The following PRKX variants were observed in gnomAD, a reference collection of about 807,000 sequenced individuals.
PRKX encodes protein kinase cAMP-dependent X-linked catalytic subunit.
A neutral mutation model predicts 22.0 loss-of-function variants in PRKX; 12 were observed. That is an observed-to-expected ratio of 0.54 (90% CI 0.35 to 0.88). The LOEUF is 0.88. PRKX is among the 40% of genes least tolerant of loss of function. The pLI, the probability that PRKX is intolerant of heterozygous loss-of-function variation, is 0.01. For missense variants in PRKX, 217 were observed against 308.0 expected (o/e 0.70, Z 2.21); for synonymous variants, 134 against 137.7 (o/e 0.97, Z 0.19).
At chrX:3,674,044 G>A (rs1295814756) in intron 2 of PRKX, among the ~76,000 whole-genome samples, 3 of 111,059 alleles carry the variant, frequency 2.7e-5, no homozygotes, top group Admixed American at 9.6e-5. Flanking sequence ...GTAAATTACC[G>A]AGTCTAGGAT....
chrX:3,701,416 G>C (rs971865576), intron 1 of PRKX, among the ~76,000 whole-genome samples: 1 of 112,645 alleles, frequency 8.9e-6, no homozygotes, highest in East Asian at 2.8e-4. Context: ...TACTTTTTCT[G>C]AAGGTGTCAT....
chrX:3,668,852 G>A (rs186235561), intron 2 of PRKX, among the ~76,000 whole-genome samples: 36 of 112,621 alleles, frequency 3.2e-4, no homozygotes, highest in Admixed American at 1.7e-3. Flanking sequence ...GACTCCACAC[G>A]CACAGGTATT....
In PRKX at chrX:3,713,419, G is replaced by C. The variant is rs1928836334; in HGVS notation, c.-166C>G. 8.1e-6 allele frequency: 3 copies of C among 368,402 alleles called. No individual in the cohort carries two copies. Among genetic ancestry groups the C allele is most frequent in the Non-Finnish European group, 1.3e-5 (3 of 239,661 alleles). 30.4% of individuals were successfully genotyped at this position (368,402 alleles called of 1,213,427 possible). ...GTCCGGCGCGGCTGACGGAGCGACG[G>C]GGACAATGGCTGGGCGGCGCTCACG... On this transcript the variant is annotated 5_prime_UTR_variant, in exon 1 of 9. Coordinates refer to ENST00000262848, the MANE Select transcript of PRKX (RefSeq NM_005044.5).
intron 6 of PRKX, among the ~76,000 whole-genome samples, chrX:3,619,977 A>G (rs1294930665): frequency 8.9e-6 from 1 of 111,916 alleles, no homozygotes; most frequent in Non-Finnish European, 1.9e-5. Context: ...AATTCTGTCA[A>G]ATTCAGGGAT....
At chrX:3,680,939 T>C (rs1220271996) in intron 1 of PRKX, among the ~76,000 whole-genome samples, 2 of 110,979 alleles carry the variant, frequency 1.8e-5, no homozygotes, top group Non-Finnish European at 1.9e-5. Flanking sequence ...CCAGGAGTCA[T>C]GATGCACTCC....
At chrX:3,705,796 G>T (rs1175964171) in intron 1 of PRKX, among the ~76,000 whole-genome samples, 2 of 105,326 alleles carry the variant, frequency 1.9e-5, no homozygotes, top group Non-Finnish European at 3.9e-5. Flanking sequence ...ATGCCATTCC[G>T]CTGCCTCAGC....
intron 1 of PRKX, among the ~76,000 whole-genome samples, chrX:3,707,663 A>G (rs112933421): frequency 9.2e-6 from 1 of 108,462 alleles, no homozygotes; most frequent in South Asian, 3.7e-4. Flanking sequence ...TTTAACTTAA[A>G]TTAAAAAAAT....
At chrX:3,632,720 C>T (rs1395802761) in intron 4 of PRKX, among the ~76,000 whole-genome samples, 1 of 111,932 alleles carries the variant, frequency 8.9e-6, no homozygotes, top group South Asian at 3.7e-4. Flanking sequence ...CTCCCCCGGA[C>T]GCCTGGGCAG....
intron 1 of PRKX, among the ~76,000 whole-genome samples, chrX:3,700,793 A>C (rs1046231603): frequency 4.5e-5 from 5 of 109,990 alleles, no homozygotes; most frequent in African/African-American, 1.7e-4. Context: ...GGTTTTCACC[A>C]TGTTGCCGAG....
intron 1 of PRKX, among the ~76,000 whole-genome samples, chrX:3,709,951 A>G (rs1928755875): frequency 9.2e-6 from 1 of 108,552 alleles, no homozygotes; most frequent in African/African-American, 3.4e-5. Context: ...CCAGCTAACT[A>G]TTACTACTAT....
intron 3 of PRKX, among the ~76,000 whole-genome samples, chrX:3,650,902 A>T (rs925053399): frequency 6.7e-4 from 65 of 96,970 alleles, no homozygotes; most frequent in Admixed American, 5.1e-3. Context: ...AAAAAAAAAA[A>T]AAAATTATTC....
At chrX:3,651,507 C>T (rs762214590) in intron 3 of PRKX, among the ~76,000 whole-genome samples, 74 of 112,287 alleles carry the variant, frequency 6.6e-4, no homozygotes, top group African/African-American at 2.3e-3. Flanking sequence ...TTTCCTACTC[C>T]ATGTAAAATG....
chrX:3,624,857 C>T (rs1194976325), intron 5 of PRKX, among the ~76,000 whole-genome samples: 2 of 110,399 alleles, frequency 1.8e-5, no homozygotes, highest in Non-Finnish European at 3.8e-5. Flanking sequence ...TGGATTGGCC[C>T]CAAGCAATCC....
chrX:3,663,365 G>C (rs1927644684), intron 2 of PRKX, among the ~76,000 whole-genome samples: 1 of 105,894 alleles, frequency 9.4e-6, no homozygotes, highest in Admixed American at 1.0e-4. Flanking sequence ...CTGAGGCAGG[G>C]GAAATGCTTG....
At chrX:3,705,981 C>T (rs1435503955) in intron 1 of PRKX, among the ~76,000 whole-genome samples, 6 of 92,958 alleles carry the variant, frequency 6.5e-5, no homozygotes, top group Admixed American at 1.2e-4. Context: ...CATGAGCCAC[C>T]GCACCCGGCC....
chrX:3,712,760 C>A (rs1415811895), intron 1 of PRKX, among the ~76,000 whole-genome samples: 1 of 112,797 alleles, frequency 8.9e-6, no homozygotes, highest in Non-Finnish European at 1.9e-5. Context: ...GGCGAGGTGA[C>A]CCGCAGGAGG....
At chrX:3,644,823 G>A (rs1407963422) in intron 3 of PRKX, among the ~76,000 whole-genome samples, 5 of 111,658 alleles carry the variant, frequency 4.5e-5, no homozygotes, top group Admixed American at 2.9e-4. Flanking sequence ...CTAGATCTTA[G>A]CTGATATGAA....
rs773068822 is a variant in PRKX at position 3,701,906 on chromosome X, G to A, written c.166+11182C>T. On this transcript the variant is annotated intron_variant, in intron 1 of 8. Coordinates refer to ENST00000262848, the MANE Select transcript of PRKX (RefSeq NM_005044.5). ...TATTTGGTCTAAAAAGGGGAGGCAC[G>A]AATAATTCACCTTTCGTTTACCATA... Among the ~76,000 whole-genome samples the A allele has an allele frequency of 1.4e-3, 151 of 111,844 alleles. 1 individual carries two copies. The highest frequency in any genetic ancestry group is 2.9e-3 in the Admixed American group (31 of 10,533).
intron 8 of PRKX, chrX:3,610,894 T>C (rs1926281961): frequency 9.0e-6 from 1 of 111,707 alleles, no homozygotes; most frequent in Non-Finnish European, 1.9e-5. Context: ...TCAGCTAAAA[T>C]GTAAGCCCCA....
Sources: gnomAD v4.1 joint callset for allele counts (sites outside exome capture counted in the v4.1 genomes callset) on GRCh38, gnomAD v4.1.1 for gene constraint, MANE v1.5 for transcripts, NCBI Gene and HGNC (gene_info 2026-07-23, HGNC 2026-07-21) for gene names.